The following COX10 variants were observed in gnomAD, a reference collection of about 807,000 sequenced individuals.
COX10 encodes the protein cytochrome c oxidase assembly factor heme A:farnesyltransferase COX10, also known as protoheme IX farnesyltransferase, mitochondrial.
A neutral mutation model predicts 37.3 loss-of-function variants in COX10; 27 were observed. The observed-to-expected ratio is 0.72, with a 90% CI of 0.53 to 1.00. COX10 has a LOEUF of 1.00. Among genes scored for constraint, COX10 ranks in the 50% least tolerant of loss-of-function variants. The pLI, the probability that COX10 is intolerant of heterozygous loss-of-function variation, is 0.00. For missense variants in COX10, 475 were observed against 563.2 expected, an observed-to-expected ratio of 0.84 and a Z score of 1.59; for synonymous variants, 222 against 229.1, an observed-to-expected ratio of 0.97 and a Z score of 0.28.
chr17:14,113,164 A>G (rs1916042175), intron 4 of COX10, among the ~76,000 whole-genome samples: 1 of 152,152 alleles, frequency 6.6e-6, no homozygotes, highest in South Asian at 2.1e-4. Context: ...TAAAATGTCA[A>G]CAGACATTTC....
intron 4 of COX10, among the ~76,000 whole-genome samples, chr17:14,148,155 A>T (rs558818912): frequency 1.3e-5 from 2 of 148,756 alleles, no homozygotes; most frequent in Admixed American, 1.3e-4. Flanking sequence ...GGCCTGAGTA[A>T]TCTGTTTAGA....
At chr17:14,071,529 C>T (rs905061694) in intron 1 of COX10, among the ~76,000 whole-genome samples, 1 of 151,972 alleles carries the variant, frequency 6.6e-6, no homozygotes. Context: ...TGTTAGTGAT[C>T]GAGTAGTATC....
At chr17:14,085,917 A>G (rs1374900258) in intron 3 of COX10, among the ~76,000 whole-genome samples, 1 of 152,196 alleles carries the variant, frequency 6.6e-6, no homozygotes, top group African/African-American at 2.4e-5. Flanking sequence ...TGAAAGTAGC[A>G]CTTAAGTTTT....
At chr17:14,175,944 A>G (rs1434443535) in intron 5 of COX10, among the ~76,000 whole-genome samples, 1 of 152,076 alleles carries the variant, frequency 6.6e-6, no homozygotes, top group Non-Finnish European at 1.5e-5. Context: ...CAAGATGAAG[A>G]CAGAAGGGCT....
intron 4 of COX10, among the ~76,000 whole-genome samples, chr17:14,124,800 G>C (rs1916300121): frequency 6.6e-6 from 1 of 151,962 alleles, no homozygotes; most frequent in Non-Finnish European, 1.5e-5. Flanking sequence ...GGACTTGTGG[G>C]GACTGAGTGT....
chr17:14,123,409 A>G (rs1402994653), intron 4 of COX10, among the ~76,000 whole-genome samples: 4 of 152,234 alleles, frequency 2.6e-5, no homozygotes, highest in African/African-American at 9.6e-5. Flanking sequence ...TCTCAAGATC[A>G]TTTGAATAGA....
intron 4 of COX10, among the ~76,000 whole-genome samples, chr17:14,155,683 C>T (rs1008196110): frequency 3.3e-5 from 5 of 151,258 alleles, no homozygotes; most frequent in African/African-American, 1.2e-4. Flanking sequence ...CCACTGCACT[C>T]CAGCCTGGGC....
At chr17:14,083,763 A>G (rs1036060441) in intron 3 of COX10, among the ~76,000 whole-genome samples, 3 of 152,230 alleles carry the variant, frequency 2.0e-5, no homozygotes, top group African/African-American at 4.8e-5. Flanking sequence ...TCTCTTGCCA[A>G]CTGAGCTATT....
intron 4 of COX10, among the ~76,000 whole-genome samples, chr17:14,126,691 AG>A: frequency 6.6e-6 from 1 of 152,110 alleles, no homozygotes; most frequent in Non-Finnish European, 1.5e-5. Context: ...TGTTGGTGGC[AG>A]GGGATGTCTG....
chr17:14,097,420 A>T (rs1450261483), intron 3 of COX10, among the ~76,000 whole-genome samples: 2 of 152,044 alleles, frequency 1.3e-5, no homozygotes, highest in African/African-American at 4.8e-5. Context: ...TGTACATTTT[A>T]AAATTAGGTA....
chr17:14,101,958 A>G (rs1485648730), intron 3 of COX10, among the ~76,000 whole-genome samples, 160 bp from the exon 4 acceptor site: 1 of 152,208 alleles, frequency 6.6e-6, no homozygotes, highest in East Asian at 1.9e-4. Flanking sequence ...TTATAATCAG[A>G]AAAATGTGGA....
chr17:14,197,764 C>G (rs774566278), intron 6 of COX10, among the ~76,000 whole-genome samples: 15 of 152,266 alleles, frequency 9.9e-5, no homozygotes, highest in Non-Finnish European at 2.1e-4. Flanking sequence ...AGTGCTGTGC[C>G]GCAAAGCATG....
intron 4 of COX10, among the ~76,000 whole-genome samples, chr17:14,128,012 C>G (rs954450014): frequency 2.1e-4 from 31 of 149,724 alleles, no homozygotes; most frequent in African/African-American, 7.6e-4. Context: ...CTAGCCAGTA[C>G]CTCAAATTTG....
chr17:14,188,940 G>C (rs1320191239), intron 5 of COX10, among the ~76,000 whole-genome samples: 1 of 145,388 alleles, frequency 6.9e-6, no homozygotes, highest in Non-Finnish European at 1.5e-5. Flanking sequence ...CTATGGCCAT[G>C]AGCTTTGCTC....
chr17:14,074,746 C>T (rs941210947), intron 2 of COX10, among the ~76,000 whole-genome samples: 2 of 152,182 alleles, frequency 1.3e-5, no homozygotes, highest in African/African-American at 4.8e-5. Flanking sequence ...AAAAGCTGAA[C>T]TGTTGTGATA....
intron 5 of COX10, among the ~76,000 whole-genome samples, chr17:14,172,961 G>C (rs564087201): frequency 1.3e-5 from 2 of 152,128 alleles, no homozygotes; most frequent in Non-Finnish European, 2.9e-5. Context: ...CCAAAGTGCT[G>C]GGATTACAGG....
At chr17:14,180,606 C>T (rs1597539586) in intron 5 of COX10, among the ~76,000 whole-genome samples, 2 of 152,244 alleles carry the variant, frequency 1.3e-5, no homozygotes, top group Admixed American at 6.5e-5. Context: ...TTCTCATCTC[C>T]CTTTTTATAA....
chr17:14,127,366 T>C (rs1916365463), intron 4 of COX10, among the ~76,000 whole-genome samples: 1 of 152,212 alleles, frequency 6.6e-6, no homozygotes, highest in Admixed American at 6.5e-5. Flanking sequence ...TATAAGCTTA[T>C]TTCAGCTGTT....
At chr17:14,098,842 T>A (rs935876230) in intron 3 of COX10, among the ~76,000 whole-genome samples, 1 of 152,182 alleles carries the variant, frequency 6.6e-6, no homozygotes, top group Non-Finnish European at 1.5e-5. Flanking sequence ...CTTTGATTGC[T>A]GCCCTCTGCT....
Sources: allele counts gnomAD v4.1 joint callset (sites outside exome capture counted in the v4.1 genomes callset), GRCh38; gene constraint gnomAD v4.1.1; transcripts MANE v1.5; gene names NCBI Gene and HGNC (gene_info 2026-07-23, HGNC 2026-07-21).